The following TAFA1 variants were observed in gnomAD, a reference collection of about 807,000 sequenced individuals.
TAFA1 encodes TAFA chemokine like family member 1, also known as chemokine-like protein TAFA-1.
Under a neutral mutation model 18.5 loss-of-function variants are expected in TAFA1, and 4 were observed. The observed-to-expected ratio is 0.22, with a 90% CI of 0.11 to 0.49. The LOEUF is 0.49. Ranked by LOEUF, TAFA1 falls within the 20% of genes least tolerant of loss-of-function variation. TAFA1 has a pLI of 0.98. For synonymous variants in TAFA1, 56 were observed against 55.2 expected, an observed-to-expected ratio of 1.01 and a Z score of -0.06; for missense variants, 147 against 169.0, an observed-to-expected ratio of 0.87 and a Z score of 0.72.
chr3:68,168,630 G>A (rs1242572664), intron 2 of TAFA1, among the ~76,000 whole-genome samples: 2 of 152,144 alleles, frequency 1.3e-5, no homozygotes, highest in East Asian at 1.9e-4. Flanking sequence ...TCGTACCAAC[G>A]GTTTAGCTAA....
At chr3:68,471,008 G>A (rs1464359363) in intron 3 of TAFA1, among the ~76,000 whole-genome samples, 5 of 152,168 alleles carry the variant, frequency 3.3e-5, no homozygotes, top group African/African-American at 1.2e-4. Context: ...TGCCACCTCA[G>A]GACTTGGTGC....
chr3:68,393,600 T>C (rs2070308518), intron 2 of TAFA1, among the ~76,000 whole-genome samples: 1 of 152,176 alleles, frequency 6.6e-6, no homozygotes, highest in Admixed American at 6.5e-5. Context: ...TGAACATCAA[T>C]GCAAAAATCC....
chr3:68,295,638 T>C (rs2068193627), intron 2 of TAFA1, among the ~76,000 whole-genome samples: 1 of 152,074 alleles, frequency 6.6e-6, no homozygotes, highest in Non-Finnish European at 1.5e-5. Flanking sequence ...ACAGGGTCTT[T>C]CTCTGTCACC....
intron 2 of TAFA1, among the ~76,000 whole-genome samples, chr3:68,027,891 A>T (rs1704849579): frequency 6.6e-6 from 1 of 152,232 alleles, no homozygotes. Flanking sequence ...TCCAGGAATG[A>T]TGATATCATA....
At chr3:68,224,497 C>G (rs2066772138) in intron 2 of TAFA1, among the ~76,000 whole-genome samples, 1 of 152,112 alleles carries the variant, frequency 6.6e-6, no homozygotes, top group Admixed American at 6.5e-5. Context: ...TTTTGGCTTT[C>G]TAGAAATCCA....
intron 3 of TAFA1, among the ~76,000 whole-genome samples, chr3:68,466,257 G>A (rs1441347876): frequency 6.6e-6 from 1 of 152,066 alleles, no homozygotes; most frequent in Non-Finnish European, 1.5e-5. Context: ...GCAGATAGTG[G>A]CTGATCTGTT....
chr3:68,400,986 T>A (rs2070476720), intron 2 of TAFA1, among the ~76,000 whole-genome samples: 1 of 152,192 alleles, frequency 6.6e-6, no homozygotes, highest in Admixed American at 6.5e-5. Context: ...AAGGAGAGAA[T>A]GAATATTGTG....
At chr3:68,444,458 C>A (rs951533929) in intron 3 of TAFA1, among the ~76,000 whole-genome samples, 1 of 151,996 alleles carries the variant, frequency 6.6e-6, no homozygotes, top group African/African-American at 2.4e-5. Flanking sequence ...CTGAAGGGAC[C>A]CTGGGAATTG....
At chr3:68,091,267 T>A (rs1379126854) in intron 2 of TAFA1, among the ~76,000 whole-genome samples, 1 of 152,170 alleles carries the variant, frequency 6.6e-6, no homozygotes, top group Non-Finnish European at 1.5e-5. Flanking sequence ...AAACAAGTAG[T>A]CTAATAAAGA....
chr3:68,420,641 A>ACCCATT (rs1482521997), intron 3 of TAFA1, among the ~76,000 whole-genome samples: 1 of 152,080 alleles, frequency 6.6e-6, no homozygotes, highest in Non-Finnish European at 1.5e-5. Flanking sequence ...ATTTGGGTCT[A>ACCCATT]CCCATTTGTC....
chr3:68,032,072 TA>T, intron 2 of TAFA1, among the ~76,000 whole-genome samples: 1 of 152,266 alleles, frequency 6.6e-6, no homozygotes, highest in East Asian at 1.9e-4. Context: ...TCTTAAATCT[TA>T]AATATCATGT....
intron 3 of TAFA1, among the ~76,000 whole-genome samples, chr3:68,537,032 C>A (rs191134692): frequency 6.6e-6 from 1 of 152,096 alleles, no homozygotes; most frequent in Non-Finnish European, 1.5e-5. Context: ...CTAGGCTAGG[C>A]GATAAACCCT....
chr3:68,231,344 A>ATTTTTTTTTTTTTTTTTT (rs1175174572), intron 2 of TAFA1, among the ~76,000 whole-genome samples: 1 of 79,852 alleles, frequency 1.3e-5, no homozygotes, highest in African/African-American at 5.1e-5. Flanking sequence ...AATCTATTTG[A>ATTTTTTTTTTTTTTTTTT]TTTTTTTTTT....
chr3:68,509,505 A>T (rs547122058), intron 3 of TAFA1, among the ~76,000 whole-genome samples: 11 of 152,284 alleles, frequency 7.2e-5, no homozygotes, highest in Admixed American at 1.3e-4. Context: ...AACAACAAAA[A>T]ACATTCAAAA....
chr3:68,179,432 C>G (rs1273864828), intron 2 of TAFA1, among the ~76,000 whole-genome samples: 1 of 152,090 alleles, frequency 6.6e-6, no homozygotes, highest in African/African-American at 2.4e-5. Context: ...TCATGTTGTT[C>G]CTGCTCATTT....
intron 2 of TAFA1, among the ~76,000 whole-genome samples, chr3:68,055,414 C>A (rs1161997926): frequency 6.6e-6 from 1 of 152,118 alleles, no homozygotes; most frequent in Non-Finnish European, 1.5e-5. Flanking sequence ...CTTCCCCTAC[C>A]CCAAGGGTAC....
chr3:68,312,991 A>G (rs1346973731), intron 2 of TAFA1, among the ~76,000 whole-genome samples: 2 of 152,178 alleles, frequency 1.3e-5, no homozygotes, highest in African/African-American at 4.8e-5. Flanking sequence ...GGTGGCAGGC[A>G]AAAAAGAGAG....
chr3:68,508,738 A>G (rs1350932590), intron 3 of TAFA1, among the ~76,000 whole-genome samples: 1 of 152,138 alleles, frequency 6.6e-6, no homozygotes, highest in African/African-American at 2.4e-5. Context: ...AGGAAATTAT[A>G]GTGCATGAAA....
At chr3:68,058,796 T>G (rs1257080687) in intron 2 of TAFA1, among the ~76,000 whole-genome samples, 3 of 152,160 alleles carry the variant, frequency 2.0e-5, no homozygotes, top group African/African-American at 7.2e-5. Flanking sequence ...TTTAAATGAA[T>G]AGTCCATAGA....
Sources: allele counts gnomAD v4.1 joint callset (sites outside exome capture counted in the v4.1 genomes callset), GRCh38; gene constraint gnomAD v4.1.1; transcripts MANE v1.5; gene names NCBI Gene and HGNC (gene_info 2026-07-23, HGNC 2026-07-21).